The following GABRG3 variants were observed in gnomAD, a reference collection of about 807,000 sequenced individuals.
GABRG3 encodes the protein gamma-aminobutyric acid type A receptor subunit gamma3.
GABRG3 carries 25 observed loss-of-function variants against 48.8 expected under a neutral mutation model. The observed-to-expected ratio is 0.51, with a 90% confidence interval of 0.37 to 0.72. The LOEUF (loss-of-function observed/expected upper bound fraction) is 0.72. GABRG3 is among the 30% of genes least tolerant of loss of function. GABRG3 has a pLI of 0.00. For missense variants in GABRG3, 394 were observed against 577.9 expected (o/e 0.68, Z 3.26); for synonymous variants, 227 against 217.6 (o/e 1.04, Z -0.38).
At chr15:27,248,490 A>G (rs552697419) in intron 3 of GABRG3, among the ~76,000 whole-genome samples, 1 of 152,294 alleles carries the variant, frequency 6.6e-6, no homozygotes, top group South Asian at 2.1e-4. Flanking sequence ...AGCCACTGGT[A>G]TAAAAAGGCC....
chr15:27,412,717 G>T (rs1887834343), intron 5 of GABRG3, among the ~76,000 whole-genome samples: 1 of 152,158 alleles, frequency 6.6e-6, no homozygotes, highest in Non-Finnish European at 1.5e-5. Flanking sequence ...CACCCTGCAG[G>T]GTTTTGTATT....
intron 3 of GABRG3, among the ~76,000 whole-genome samples, chr15:27,142,206 G>T (rs2140390403): frequency 6.6e-6 from 1 of 151,756 alleles, no homozygotes; most frequent in South Asian, 2.1e-4. Flanking sequence ...TTATATTTTG[G>T]TCTGATAACT....
At chr15:27,282,394 T>C (rs749225402) in intron 3 of GABRG3, among the ~76,000 whole-genome samples, 2 of 152,220 alleles carry the variant, frequency 1.3e-5, no homozygotes, top group Non-Finnish European at 2.9e-5. Context: ...CTGCTCTTCT[T>C]ATTTCCCCAG....
In GABRG3 at chr15:27,445,947, T is replaced by C. The variant is rs150891443; in HGVS notation, c.575-34703T>C. On this transcript the variant is annotated intron_variant, in intron 5 of 9. Transcript: ENST00000615808. ...TCTTGGGACCCTTTGTAGGAACTAA[T>C]TGGCTGTAAATAAGAGGATTTATTT... 2.5e-3 allele frequency among the ~76,000 whole-genome samples: 383 copies of C among 152,310 alleles called. 3 individuals carry two copies. Among genetic ancestry groups the C allele is most frequent in the African/African-American group, 8.5e-3 (355 of 41,578 alleles).
chr15:27,465,157 G>C (rs1314497599), intron 5 of GABRG3, among the ~76,000 whole-genome samples: 1 of 152,136 alleles, frequency 6.6e-6, no homozygotes, highest in East Asian at 1.9e-4. Context: ...GGTGGAGGGG[G>C]GTCTCCCCTT....
At chr15:27,215,943 C>G (rs1200777007) in intron 3 of GABRG3, among the ~76,000 whole-genome samples, 1 of 152,168 alleles carries the variant, frequency 6.6e-6, no homozygotes, top group African/African-American at 2.4e-5. Flanking sequence ...GTGTCTTTTT[C>G]TGAGCTGTGC....
intron 3 of GABRG3, among the ~76,000 whole-genome samples, chr15:27,039,403 G>C (rs990668185): frequency 1.3e-5 from 2 of 152,170 alleles, no homozygotes; most frequent in African/African-American, 4.8e-5. Flanking sequence ...AAGAGAGGAA[G>C]GTACAGGAGT....
chr15:27,361,308 T>A (rs1050978711), intron 5 of GABRG3, among the ~76,000 whole-genome samples: 7 of 152,120 alleles, frequency 4.6e-5, no homozygotes, highest in Non-Finnish European at 8.8e-5. Flanking sequence ...CATTTCTGGG[T>A]CTTGGGTGCT....
intron 3 of GABRG3, among the ~76,000 whole-genome samples, chr15:27,204,462 T>A (rs1471243531): frequency 2.0e-5 from 3 of 152,008 alleles, no homozygotes; most frequent in Admixed American, 1.3e-4. Context: ...TAGTTTGAAG[T>A]GATAGTGTGA....
chr15:27,296,934 G>A (rs1038558123), intron 3 of GABRG3, among the ~76,000 whole-genome samples: 1 of 151,630 alleles, frequency 6.6e-6, no homozygotes, highest in Non-Finnish European at 1.5e-5. Context: ...AGGAGATGAC[G>A]GCTCCATGTG....
intron 6 of GABRG3, among the ~76,000 whole-genome samples, chr15:27,485,843 G>T (rs569554502): frequency 1.3e-5 from 2 of 152,236 alleles, no homozygotes; most frequent in African/African-American, 4.8e-5. Context: ...AAATAGTGAT[G>T]TTTTCAGGCT....
chr15:27,103,452 A>G (rs551777211), intron 3 of GABRG3, among the ~76,000 whole-genome samples: 12 of 152,246 alleles, frequency 7.9e-5, no homozygotes, highest in African/African-American at 7.2e-5. Flanking sequence ...AGCATGTCCA[A>G]CTAGGGTGGC....
chr15:27,153,112 C>T (rs995405442), intron 3 of GABRG3, among the ~76,000 whole-genome samples: 1 of 152,266 alleles, frequency 6.6e-6, no homozygotes, highest in Non-Finnish European at 1.5e-5. Flanking sequence ...CCGCCCGCCT[C>T]GGCCTCCCAA....
chr15:27,513,068 T>C (rs183829372), intron 6 of GABRG3, among the ~76,000 whole-genome samples: 3 of 151,416 alleles, frequency 2.0e-5, no homozygotes, highest in Admixed American at 6.6e-5. Context: ...AAAAGAAACA[T>C]AGACAGAGAT....
chr15:27,230,296 A>G (rs1889756960), intron 3 of GABRG3, among the ~76,000 whole-genome samples: 1 of 152,202 alleles, frequency 6.6e-6, no homozygotes. Flanking sequence ...CCTGAACTTG[A>G]TCTACAGCTC....
At chr15:27,378,865 A>G (rs1895680207) in intron 5 of GABRG3, among the ~76,000 whole-genome samples, 1 of 152,214 alleles carries the variant, frequency 6.6e-6, no homozygotes. Context: ...AGAGGGGATT[A>G]TGGGATTAAA....
chr15:27,349,866 C>A (rs1021273995), intron 5 of GABRG3, among the ~76,000 whole-genome samples: 1 of 151,756 alleles, frequency 6.6e-6, no homozygotes, highest in African/African-American at 2.4e-5. Context: ...CTTTCTGGCT[C>A]TCTATAAAGT....
At chr15:27,329,422 AC>A (rs1893731219) in intron 5 of GABRG3, among the ~76,000 whole-genome samples, 1 of 151,934 alleles carries the variant, frequency 6.6e-6, no homozygotes, top group African/African-American at 2.4e-5. Context: ...GTGCTACCAC[AC>A]CCAGCTAACT....
At chr15:27,386,409 C>T (rs973009800) in intron 5 of GABRG3, among the ~76,000 whole-genome samples, 3 of 152,050 alleles carry the variant, frequency 2.0e-5, no homozygotes, top group East Asian at 1.9e-4. Context: ...GCTGGATCTT[C>T]GTGTTAAATT....
Sources: gnomAD v4.1 joint callset for allele counts (sites outside exome capture counted in the v4.1 genomes callset) on GRCh38, gnomAD v4.1.1 for gene constraint, MANE v1.5 for transcripts, NCBI Gene and HGNC (gene_info 2026-07-23, HGNC 2026-07-21) for gene names.